KAZN: variants seen among roughly 807,000 people sequenced by gnomAD.
KAZN encodes the protein kazrin.
KAZN carries 40 observed loss-of-function variants against 87.4 expected under a neutral mutation model. That is an observed-to-expected ratio of 0.46 (90% CI 0.36 to 0.60). The LOEUF is 0.60. Ranked by LOEUF, KAZN falls within the 20% of genes least tolerant of loss-of-function variation. The pLI, the probability that KAZN is intolerant of heterozygous loss-of-function variation, is 0.00. For missense variants in KAZN, 898 were observed against 1,073.9 expected (o/e 0.84, Z 2.29); for synonymous variants, 466 against 458.3 (o/e 1.02, Z -0.22).
At chr1:14,381,829 A>C (rs922906109) in intron 2 of KAZN, among the ~76,000 whole-genome samples, 4 of 152,216 alleles carry the variant, frequency 2.6e-5, no homozygotes, top group African/African-American at 9.6e-5. Flanking sequence ...TAGTTAGAGC[A>C]ACCAGAAGAC....
At chr1:14,914,136 C>T (rs1173793078) in intron 1 of KAZN, among the ~76,000 whole-genome samples, 3 of 152,202 alleles carry the variant, frequency 2.0e-5, no homozygotes, top group Admixed American at 6.5e-5. Context: ...TGGGCCTCGC[C>T]TCCTGGGTTT....
chr1:15,037,465 T>G (rs1672453979), intron 3 of KAZN, among the ~76,000 whole-genome samples: 1 of 152,168 alleles, frequency 6.6e-6, no homozygotes, highest in South Asian at 2.1e-4. Flanking sequence ...CTCTCCCCGG[T>G]CTCAGCCTTC....
chr1:14,477,430 C>T (rs912069602), intron 2 of KAZN, among the ~76,000 whole-genome samples: 2 of 150,632 alleles, frequency 1.3e-5, no homozygotes, highest in African/African-American at 4.9e-5. Context: ...CATTCCCTCT[C>T]TCTCTCTCTC....
At chr1:14,567,657 T>C (rs534492850) in intron 2 of KAZN, among the ~76,000 whole-genome samples, 1 of 152,354 alleles carries the variant, frequency 6.6e-6, no homozygotes, top group Admixed American at 6.5e-5. Context: ...CTAAAAATGG[T>C]GTTTAGTACT....
rs76579111 is a variant in KAZN, at chr1:15,080,322, G to A, written c.1223-13858G>A. Among the ~76,000 whole-genome samples the A allele has an allele frequency of 4.3e-3, 648 of 152,312 alleles. 7 individuals are homozygous for A. Among genetic ancestry groups the A allele is most frequent in the African/African-American group, 0.015 (611 of 41,578 alleles). The stretch of plus-strand genomic sequence containing the variant: ...TTTATGATGTCGTAAATAGGGACAC[G>A]TTGGGGTGGGAGGTACCACCACTGT... On this transcript the variant is annotated intron_variant, in intron 8 of 14. Transcript: ENST00000376030.
intron 1 of KAZN, among the ~76,000 whole-genome samples, chr1:13,948,847 T>C (rs1409061193): frequency 6.6e-6 from 1 of 152,178 alleles, no homozygotes; most frequent in Non-Finnish European, 1.5e-5. Flanking sequence ...CTCAAGGTTC[T>C]GCCCTAGGCC....
At chr1:14,202,002 C>G (rs1462664883) in intron 2 of KAZN, among the ~76,000 whole-genome samples, 2 of 152,160 alleles carry the variant, frequency 1.3e-5, no homozygotes. Context: ...ATTTTATTTT[C>G]ACAAACATGG....
chr1:14,456,000 T>G (rs1311114233), intron 2 of KAZN, among the ~76,000 whole-genome samples: 2 of 152,238 alleles, frequency 1.3e-5, no homozygotes, highest in Admixed American at 1.3e-4. Flanking sequence ...GATGTTAGTT[T>G]GGTCCTGAAT....
At chr1:14,449,473 T>C (rs1397666400) in intron 2 of KAZN, among the ~76,000 whole-genome samples, 1 of 152,210 alleles carries the variant, frequency 6.6e-6, no homozygotes, top group Non-Finnish European at 1.5e-5. Context: ...GCTTCTTAAT[T>C]TGGGTGGTGA....
chr1:14,759,650 T>C (rs547517376), intron 1 of KAZN, among the ~76,000 whole-genome samples: 2 of 152,200 alleles, frequency 1.3e-5, no homozygotes, highest in South Asian at 4.2e-4. Context: ...GGCTTTAATA[T>C]TTCATGACCA....
chr1:14,381,078 C>A (rs1661325225), intron 2 of KAZN, among the ~76,000 whole-genome samples: 1 of 152,138 alleles, frequency 6.6e-6, no homozygotes, highest in African/African-American at 2.4e-5. Context: ...TCCCACAGAG[C>A]TATGGAGAGT....
At chr1:14,104,086 G>A (rs938185037) in intron 1 of KAZN, among the ~76,000 whole-genome samples, 4 of 152,210 alleles carry the variant, frequency 2.6e-5, no homozygotes, top group Non-Finnish European at 4.4e-5. Context: ...CCATGCCAAA[G>A]GAAGGTGGGT....
At chr1:15,058,303 A>C (rs1638482958) in intron 5 of KAZN, among the ~76,000 whole-genome samples, 1 of 152,232 alleles carries the variant, frequency 6.6e-6, no homozygotes, top group Admixed American at 6.5e-5. Flanking sequence ...AAGGTCACAC[A>C]GCCTGTAGGG....
At chr1:14,040,651 A>C (rs1641790061) in intron 1 of KAZN, among the ~76,000 whole-genome samples, 1 of 152,070 alleles carries the variant, frequency 6.6e-6, no homozygotes, top group Non-Finnish European at 1.5e-5. Flanking sequence ...AATCCCAGCT[A>C]CTCAGGCTGG....
intron 2 of KAZN, among the ~76,000 whole-genome samples, chr1:14,381,585 A>C (rs1661373182): frequency 6.6e-6 from 1 of 152,220 alleles, no homozygotes; most frequent in African/African-American, 2.4e-5. Flanking sequence ...CCATATGATC[A>C]TTTCAATTGA....
chr1:15,067,768 G>A, intron 8 of KAZN: 1 of 985,356 alleles, frequency 1.0e-6, no homozygotes, highest in Non-Finnish European at 1.2e-6. Context: ...TGACCAAACT[G>A]TTTAACCGAG....
At chr1:15,023,087 G>A (rs1226103348) in intron 2 of KAZN, among the ~76,000 whole-genome samples, 1 of 152,212 alleles carries the variant, frequency 6.6e-6, no homozygotes, top group Non-Finnish European at 1.5e-5. Context: ...TCCTGAGCTG[G>A]GGGTCTGGTT....
intron 1 of KAZN, among the ~76,000 whole-genome samples, chr1:14,696,216 C>T (rs1269260995): frequency 6.6e-6 from 1 of 152,134 alleles, no homozygotes; most frequent in Non-Finnish European, 1.5e-5. Flanking sequence ...TGCTAGTGAA[C>T]TCTGGGAACA....
intron 1 of KAZN, among the ~76,000 whole-genome samples, chr1:13,937,056 T>G (rs1252987770): frequency 6.6e-6 from 1 of 151,692 alleles, no homozygotes. Context: ...CTTTTGTTTT[T>G]TTTTTTTTGA....
Sources: allele counts gnomAD v4.1 joint callset (sites outside exome capture counted in the v4.1 genomes callset), GRCh38; gene constraint gnomAD v4.1.1; transcripts MANE v1.5; gene names NCBI Gene and HGNC (gene_info 2026-07-23, HGNC 2026-07-21).